The following VAV1 variants were observed in gnomAD, a reference collection of about 807,000 sequenced individuals.
VAV1 encodes proto-oncogene vav.
Under a neutral mutation model 128.1 loss-of-function variants are expected in VAV1, and 33 were observed. The ratio of observed to expected loss-of-function variants is 0.26; its 90% CI spans 0.20 to 0.34. The LOEUF is 0.34. Among genes scored for constraint, VAV1 ranks in the 10% least tolerant of loss-of-function variants. The probability of loss-of-function intolerance (pLI) is 1.00; values close to 1 mark genes in which losing one functional copy is unlikely to be tolerated. For missense variants in VAV1, 715 were observed against 1,093.7 expected (o/e 0.65, Z 4.88); for synonymous variants, 394 against 409.8 (o/e 0.96, Z 0.47).
chr19:6,836,037 C>G (rs1972214174), intron 19 of VAV1: 2 of 164,234 alleles, frequency 1.2e-5, no homozygotes, highest in Non-Finnish European at 2.7e-5. Context: ...CCACACCCAG[C>G]TAATTTCTGT....
chr19:6,829,017 G>T (rs1264696056), intron 13 of VAV1, 117 bp downstream of exon 13: 118 of 1,235,644 alleles, frequency 9.5e-5, no homozygotes, highest in Non-Finnish European at 1.3e-4. Context: ...GGCAGGGGCG[G>T]GGCCGGGCTT....
Position 6,833,208 on chromosome 19 carries a change from C to A in VAV1, c.1533C>A (p.Ala511=). ...GCTCCAACATCTATCCGGAGAATGC[C>A]ACCGCCAACGGGCATGACTTCCAGA... ...MAISNIYPEN[A]TANGHDFQMF... Residue 511 remains alanine, a synonymous_variant, in exon 16 of 27, where the codon GCC becomes GCA. Coordinates refer to ENST00000602142, the MANE Select transcript of VAV1 (RefSeq NM_005428.4). 2 of 1,612,234 alleles carry A rather than the reference C, an allele frequency of 1.2e-6. No individual in the cohort carries two copies. The highest frequency in any genetic ancestry group is 1.7e-6 in the Non-Finnish European group (2 of 1,179,472).
intron 1 of VAV1, among the ~76,000 whole-genome samples, chr19:6,798,473 T>TAATAAATAAATAAATA (rs372820509): frequency 1.3e-5 from 2 of 151,286 alleles, no homozygotes; most frequent in African/African-American, 4.9e-5. Context: ...CTCTAATAAA[T>TAATAAATAAATAAATA]AATAAATAAA....
chr19:6,773,327 C>A (rs527714519), intron 1 of VAV1, among the ~76,000 whole-genome samples: 2 of 152,102 alleles, frequency 1.3e-5, no homozygotes, highest in African/African-American at 4.8e-5. Context: ...ATGGGACCAA[C>A]CAGAGGTCTC....
chr19:6,844,805 C>G (rs536325206), intron 22 of VAV1, among the ~76,000 whole-genome samples: 1 of 151,662 alleles, frequency 6.6e-6, no homozygotes, highest in Non-Finnish European at 1.5e-5. Flanking sequence ...TTTAAGGGGA[C>G]GCTGAAAATC....
intron 22 of VAV1, among the ~76,000 whole-genome samples, chr19:6,844,514 G>A (rs1198941900): frequency 6.6e-6 from 1 of 152,140 alleles, no homozygotes; most frequent in African/African-American, 2.4e-5. Context: ...ACCTCGCCCA[G>A]CCGACGCTCC....
intron 1 of VAV1, among the ~76,000 whole-genome samples, chr19:6,804,725 CTTTT>C (rs796763550): frequency 2.3e-5 from 3 of 129,140 alleles, no homozygotes; most frequent in Non-Finnish European, 5.0e-5. Context: ...CCCATACCTC[CTTTT>C]TTTTTTTTTT....
chr19:6,821,698 C>A lies in VAV1; in HGVS notation c.380+18C>A. On this transcript the variant is annotated intron_variant, in intron 3 of 26. Coordinates refer to ENST00000602142, the MANE Select transcript of VAV1 (RefSeq NM_005428.4). ...GGGATCATGTGAGTAACCACCTGGG[C>A]CTTGGGCCATTTAGCCCCAGTCCTC... 6.2e-7 allele frequency: 1 copy of A among 1,614,140 alleles called. No individual in the cohort carries two copies. The highest frequency in any genetic ancestry group is 8.5e-7 in the Non-Finnish European group (1 of 1,179,994).
At chr19:6,847,809 C>T (rs370757033) in intron 22 of VAV1, among the ~76,000 whole-genome samples, 189 bp from the exon 23 acceptor site, 35 of 152,352 alleles carry the variant, frequency 2.3e-4, no homozygotes, top group Admixed American at 1.6e-3. Context: ...AGTGGAAGCC[C>T]GCTCCCCATG....
At chr19:6,773,787 T>G (rs929253508) in intron 1 of VAV1, among the ~76,000 whole-genome samples, 1 of 152,010 alleles carries the variant, frequency 6.6e-6, no homozygotes, top group African/African-American at 2.4e-5. Context: ...TTGAATGTGG[T>G]TGGGTGGGCG....
intron 1 of VAV1, among the ~76,000 whole-genome samples, chr19:6,798,708 C>T (rs1003800869): frequency 2.6e-5 from 4 of 151,424 alleles, no homozygotes; most frequent in Admixed American, 6.6e-5. Context: ...TCAGGGTCTC[C>T]CTATGTTGCC....
chr19:6,813,966 A>G (rs1196242283), intron 1 of VAV1, among the ~76,000 whole-genome samples: 3 of 152,118 alleles, frequency 2.0e-5, no homozygotes, highest in Non-Finnish European at 4.4e-5. Flanking sequence ...AGACTGACGC[A>G]GGAGGATCTT....
Position 6,836,492 on chromosome 19 carries a change from T to A in VAV1, c.1838T>A (p.Ile613Asn), listed in dbSNP as rs750632166. ...YYGLPPPPGA[I>N]GPFLRLNPGD... is the part of the protein sequence containing the mutation. ...GGGCTTCCTCCACCCCCTGGAGCCA[T>A]TGGACCCTTTCTACGGCTCAACCCT... Residue 613 changes from isoleucine (I) to asparagine (N), a missense_variant, in exon 20 of 27, where the codon ATT becomes AAT. Ile to Asn is a moderately radical substitution (Grantham distance 149). This residue lies in a region of VAV1 where 407 missense variants were observed against 580.6 expected (regional missense o/e 0.70). Transcript: ENST00000602142. 6.2e-7 allele frequency: 1 copy of A among 1,614,042 alleles called. No individual in the cohort carries two copies. Among genetic ancestry groups the A allele is most frequent in the Non-Finnish European group, 8.5e-7 (1 of 1,180,020 alleles).
At chr19:6,830,005 C>T in intron 14 of VAV1, 87 bp downstream of exon 14, 1 of 1,583,906 alleles carries the variant, frequency 6.3e-7, no homozygotes, top group Non-Finnish European at 8.6e-7. Context: ...GTTTGCCAGA[C>T]TACATCTACA....
chr19:6,854,994 G>T (rs1015378540), intron 26 of VAV1, among the ~76,000 whole-genome samples: 3 of 152,172 alleles, frequency 2.0e-5, no homozygotes, highest in African/African-American at 7.2e-5. Flanking sequence ...AAACCACTGT[G>T]CTCACTTTGC....
intron 1 of VAV1, among the ~76,000 whole-genome samples, chr19:6,806,965 CT>C (rs1004240039): frequency 1.8e-4 from 28 of 152,208 alleles, no homozygotes; most frequent in African/African-American, 6.8e-4. Context: ...ATTCCACGAT[CT>C]GTTCAGACAG....
In VAV1 at chr19:6,835,214, TACACACAC is replaced by T. The variant is rs59124872; in HGVS notation, c.1778-1191_1778-1184del. 2.7e-3 allele frequency among the ~76,000 whole-genome samples: 389 copies of T among 145,414 alleles called. 2 individuals are homozygous for T. The highest frequency in any genetic ancestry group is 3.4e-3 in the East Asian group (17 of 4,946). On this transcript the variant is annotated intron_variant, in intron 19 of 26. Coordinates refer to ENST00000602142, the MANE Select transcript of VAV1 (RefSeq NM_005428.4). ...ATATATATGTGTATATATATATACA[TACACACAC>T]ACACACACACACACACACACACACA...
chr19:6,774,797 C>T (rs1465869804), intron 1 of VAV1, among the ~76,000 whole-genome samples: 8 of 151,700 alleles, frequency 5.3e-5, no homozygotes, highest in Non-Finnish European at 1.2e-4. Context: ...CTCTGTTGCC[C>T]AGGCTGGAAT....
At chr19:6,817,110 G>A (rs1971671965) in intron 1 of VAV1, among the ~76,000 whole-genome samples, 2 of 150,656 alleles carry the variant, frequency 1.3e-5, no homozygotes, top group Admixed American at 1.3e-4. Context: ...GTGCAGTGGG[G>A]ATATCTCAGC....
Sources: allele counts gnomAD v4.1 joint callset (sites outside exome capture counted in the v4.1 genomes callset), GRCh38; gene constraint gnomAD v4.1.1; regional missense constraint gnomAD v4.1.1; transcripts MANE v1.5; gene names NCBI Gene and HGNC (gene_info 2026-07-23, HGNC 2026-07-21).